The following PDE3A variants were observed in gnomAD, a reference collection of about 807,000 sequenced individuals.
The protein encoded by PDE3A is cGMP-inhibited 3',5'-cyclic phosphodiesterase 3A.
Under a neutral mutation model 98.3 loss-of-function variants are expected in PDE3A, and 43 were observed. The observed-to-expected ratio is 0.44, with a 90% CI of 0.34 to 0.56. PDE3A has a LOEUF of 0.56. Among genes scored for constraint, PDE3A ranks in the 20% least tolerant of loss-of-function variants. The probability of loss-of-function intolerance (pLI) is 0.01; values close to 1 mark genes in which losing one functional copy is unlikely to be tolerated. For missense variants in PDE3A, 1,427 were observed against 1,440.7 expected, an observed-to-expected ratio of 0.99 and a Z score of 0.15; for synonymous variants, 663 against 567.9, an observed-to-expected ratio of 1.17 and a Z score of -2.38.
intron 1 of PDE3A, among the ~76,000 whole-genome samples, chr12:20,448,065 A>G (rs993034390): frequency 1.6e-4 from 25 of 152,166 alleles, no homozygotes; most frequent in Admixed American, 1.6e-3. Flanking sequence ...GGAAAGATGG[A>G]TCTGTCATTT....
chr12:20,619,175 A>C (rs1230232154), intron 4 of PDE3A, among the ~76,000 whole-genome samples: 1 of 152,030 alleles, frequency 6.6e-6, no homozygotes, highest in Admixed American at 6.6e-5. Context: ...TATATAATAC[A>C]TTGATTTATT....
chr12:20,382,030 A>G (rs1416041525), intron 1 of PDE3A, among the ~76,000 whole-genome samples: 2 of 151,934 alleles, frequency 1.3e-5, no homozygotes, highest in Non-Finnish European at 2.9e-5. Flanking sequence ...TTTCACCTAC[A>G]TATAATTACA....
At chr12:20,631,803 A>G (rs1478675910) in intron 6 of PDE3A, among the ~76,000 whole-genome samples, 1 of 151,660 alleles carries the variant, frequency 6.6e-6, no homozygotes, top group Non-Finnish European at 1.5e-5. Context: ...TTGTTCAGTA[A>G]TGTTTATAAA....
intron 15 of PDE3A, among the ~76,000 whole-genome samples, chr12:20,664,688 C>CT (rs946184134): frequency 3.3e-5 from 5 of 152,110 alleles, no homozygotes; most frequent in African/African-American, 1.2e-4. Flanking sequence ...CTCTCATTCT[C>CT]TTTTTGCCTG....
At chr12:20,428,810 T>A (rs1944645315) in intron 1 of PDE3A, among the ~76,000 whole-genome samples, 1 of 152,174 alleles carries the variant, frequency 6.6e-6, no homozygotes, top group South Asian at 2.1e-4. Context: ...AATGTATAAA[T>A]GCGTACCACT....
chr12:20,538,192 G>A (rs959085123), intron 1 of PDE3A, among the ~76,000 whole-genome samples: 1 of 152,112 alleles, frequency 6.6e-6, no homozygotes, highest in South Asian at 2.1e-4. Context: ...CACTCTGTGT[G>A]TGTGTGTTTA....
rs951490512 is a variant in PDE3A at position 20,430,699 on chromosome 12, A to G, written c.960+60455A>G. On this transcript the variant is annotated intron_variant, in intron 1 of 15. Transcript: ENST00000359062. ...TTATTCTAAAATACTGTATTTTGCC[A>G]TGATTTGTTCCCTGGTGTGTATAGA... Among the ~76,000 whole-genome samples, 7 of 152,184 alleles carry G rather than the reference A, an allele frequency of 4.6e-5. 1 individual carries two copies. The East Asian group carries it at 1.2e-3, about 25-fold the overall frequency.
At chr12:20,424,280 T>G (rs1325511282) in intron 1 of PDE3A, among the ~76,000 whole-genome samples, 1 of 152,160 alleles carries the variant, frequency 6.6e-6, no homozygotes, top group Non-Finnish European at 1.5e-5. Context: ...AATGGAGACA[T>G]GAGCTAGGAA....
At chr12:20,598,592 A>G (rs4762975) in intron 2 of PDE3A, among the ~76,000 whole-genome samples, 81,272 of 151,954 alleles carry the variant, frequency 0.53, 22,139 homozygotes, top group East Asian at 0.64. Flanking sequence ...AATAGAGATT[A>G]TCAAAGGGGA....
chr12:20,646,449 A>G, intron 10 of PDE3A, 41 bp from the exon 11 acceptor site: 1 of 1,103,320 alleles, frequency 9.1e-7, no homozygotes, highest in Non-Finnish European at 1.4e-6. Flanking sequence ...TTGGACCCCA[A>G]AGTTCATAAA....
At chr12:20,510,454 GA>G (rs968720433) in intron 1 of PDE3A, among the ~76,000 whole-genome samples, 2 of 151,842 alleles carry the variant, frequency 1.3e-5, no homozygotes, top group African/African-American at 2.4e-5. Context: ...GGAATATGAA[GA>G]AAAATAGAAA....
At chr12:20,615,353 C>T (rs902483130) in intron 3 of PDE3A, among the ~76,000 whole-genome samples, 2 of 152,144 alleles carry the variant, frequency 1.3e-5, no homozygotes, top group African/African-American at 4.8e-5. Context: ...GGTTGGCCAG[C>T]AGCGTCTCCT....
chr12:20,412,781 T>G (rs1427711864), intron 1 of PDE3A, among the ~76,000 whole-genome samples: 2 of 152,234 alleles, frequency 1.3e-5, no homozygotes, highest in Non-Finnish European at 2.9e-5. Flanking sequence ...GTGGGAGGGA[T>G]GATTTTTAGC....
chr12:20,465,238 G>A (rs1945320833), intron 1 of PDE3A, among the ~76,000 whole-genome samples: 1 of 152,060 alleles, frequency 6.6e-6, no homozygotes. Flanking sequence ...TGCAGAATAT[G>A]TATTCCAAGA....
At chr12:20,378,666 T>C (rs972813362) in intron 1 of PDE3A, among the ~76,000 whole-genome samples, 13 of 151,728 alleles carry the variant, frequency 8.6e-5, no homozygotes, top group African/African-American at 3.1e-4. Flanking sequence ...CTGACTTAAT[T>C]TAGAGTTCTT....
intron 2 of PDE3A, among the ~76,000 whole-genome samples, chr12:20,564,367 TTATG>T (rs369020476): frequency 1.4e-3 from 220 of 152,250 alleles, no homozygotes; most frequent in African/African-American, 5.1e-3. Flanking sequence ...TCTTGACACT[TTATG>T]TAGGAAAATG....
intron 1 of PDE3A, among the ~76,000 whole-genome samples, chr12:20,442,373 A>G (rs1470623132): frequency 7.3e-6 from 1 of 137,914 alleles, no homozygotes; most frequent in Non-Finnish European, 1.6e-5. Context: ...ATTGAAGGGA[A>G]GACTGCTTAT....
In PDE3A at chr12:20,633,729, T is replaced by C. The variant is rs375637114; in HGVS notation, c.1797T>C (p.Asp599=). Residue 599 remains aspartate (D), a synonymous_variant, in exon 7 of 16, where the codon GAT becomes GAC. Transcript: ENST00000359062. ...CATATTCCCAAGGGAATCCTGCTGA[T>C]GAGCCCCTGGAGAGAAGTGGGGTAG... ...GRPYSQGNPA[D]EPLERSGVAT... 1.6e-5 allele frequency: 26 copies of C among 1,611,542 alleles called. No individual in the cohort carries two copies. The highest frequency in any genetic ancestry group is 1.7e-4 in the Middle Eastern group (1 of 6,036).
intron 1 of PDE3A, among the ~76,000 whole-genome samples, chr12:20,371,159 T>A (rs948754726): frequency 2.6e-5 from 4 of 152,218 alleles, no homozygotes; most frequent in African/African-American, 9.6e-5. Flanking sequence ...TAAATAAAAC[T>A]TTAGTCACTT....
Sources: gnomAD v4.1 joint callset for allele counts (sites outside exome capture counted in the v4.1 genomes callset) on GRCh38, gnomAD v4.1.1 for gene constraint, MANE v1.5 for transcripts, NCBI Gene and HGNC (gene_info 2026-07-23, HGNC 2026-07-21) for gene names.